The following NUP133 variants were observed in gnomAD, a reference collection of about 807,000 sequenced individuals.
NUP133 encodes nucleoporin 133, also known as nuclear pore complex protein Nup133.
In NUP133, 66 loss-of-function variants were observed where a neutral mutation model predicts 146.2. That is an observed-to-expected ratio of 0.45 (90% CI 0.37 to 0.55). The LOEUF is 0.55. Ranked by LOEUF, NUP133 falls within the 20% of genes least tolerant of loss-of-function variation. The pLI is 0.00. For synonymous variants in NUP133, 521 were observed against 498.8 expected (o/e 1.04, Z -0.59); for missense variants, 1,277 against 1,374.8 (o/e 0.93, Z 1.12).
Position 229,468,108 on chromosome 1 carries a change from C to T in NUP133, c.2077-1352G>A, listed in dbSNP as rs1339040018. 3.3e-5 allele frequency among the ~76,000 whole-genome samples: 5 copies of T among 152,102 alleles called. No homozygotes were observed. In the East Asian group the frequency reaches 9.6e-4, roughly 29 times the overall value. On this transcript the variant is annotated intron_variant, in intron 15 of 25. Transcript: ENST00000261396. ...CAGTGAGCTCTGCTTTTCCAGAGCC[C>T]TGGGAGGTACAAGGCCTTCCCAAAC... is the stretch of plus-strand genomic sequence containing the variant.
intron 25 of NUP133, among the ~76,000 whole-genome samples, chr1:229,443,892 CTCTTT>C (rs1191597286): frequency 3.6e-5 from 5 of 138,496 alleles, no homozygotes; most frequent in East Asian, 2.1e-4. Context: ...CTGTGCTCAA[CTCTTT>C]TTTTTTTTTT....
chr1:229,464,942 T>C (rs768514100), intron 17 of NUP133, 67 bp from the exon 18 acceptor site: 5 of 1,570,676 alleles, frequency 3.2e-6, no homozygotes, highest in African/African-American at 1.4e-5. Context: ...GAAAGACTAA[T>C]AGCATAAAAA....
chr1:229,465,419 C>T lies in NUP133; in HGVS notation c.2299+1G>A, dbSNP rs1305545648. 6.3e-7 allele frequency: 1 copy of T among 1,587,458 alleles called. No individual in the cohort carries two copies. The highest frequency in any genetic ancestry group is 8.6e-7 in the Non-Finnish European group (1 of 1,156,462). Reference sequence around the variant, plus strand: ...CAACTGTTAATAAATCAGTATATTACCCGTCCATGGAACATATTCAGGTTC... The same window carrying T: ...CAACTGTTAATAAATCAGTATATTATCCGTCCATGGAACATATTCAGGTTC... On this transcript the variant is annotated splice_donor_variant, in intron 17 of 25. Coordinates refer to ENST00000261396, the MANE Select transcript of NUP133 (RefSeq NM_018230.3). LOFTEE classifies it high-confidence loss of function.
At chr1:229,478,715 C>T (rs16849836) in intron 12 of NUP133, among the ~76,000 whole-genome samples, 42,889 of 151,990 alleles carry the variant, frequency 0.28, 7,952 homozygotes, top group African/African-American at 0.52. Context: ...CATGAAGAAA[C>T]GAGGGATACT....
chr1:229,502,791 C>T (rs1374518222), intron 2 of NUP133, among the ~76,000 whole-genome samples: 2 of 141,004 alleles, frequency 1.4e-5, no homozygotes, highest in African/African-American at 5.6e-5. Flanking sequence ...GTGAGACTCT[C>T]TCTCTTAAAA....
chr1:229,489,884 T>C, intron 9 of NUP133, 71 bp downstream of exon 9: 2 of 1,362,350 alleles, frequency 1.5e-6, no homozygotes, highest in East Asian at 2.5e-5. Flanking sequence ...AATAAATAAA[T>C]AAGACCCTGA....
chr1:229,501,160 A>T (rs756263462), intron 3 of NUP133, among the ~76,000 whole-genome samples: 2 of 152,226 alleles, frequency 1.3e-5, no homozygotes, highest in African/African-American at 4.8e-5. Context: ...TAAGGTTAAG[A>T]TGAGTGCTTA....
intron 24 of NUP133, among the ~76,000 whole-genome samples, chr1:229,446,658 C>T (rs960337606): frequency 1.3e-5 from 2 of 150,770 alleles, no homozygotes; most frequent in Admixed American, 1.3e-4. Flanking sequence ...GGCATGAACC[C>T]GAGAGGTGGA....
At chr1:229,474,413 A>G (rs1169277418) in intron 14 of NUP133, among the ~76,000 whole-genome samples, 8 of 152,218 alleles carry the variant, frequency 5.3e-5, no homozygotes, top group Non-Finnish European at 8.8e-5. Flanking sequence ...TAAAATAACA[A>G]TAACAAAAAA....
intron 21 of NUP133, among the ~76,000 whole-genome samples, chr1:229,457,440 A>C (rs74144728): frequency 0.011 from 1,735 of 152,018 alleles, 33 homozygotes; most frequent in African/African-American, 0.039. Context: ...AAAAAGCTCA[A>C]CTCCCTTATA....
chr1:229,507,977 G>A (rs1283178001), intron 1 of NUP133, 91 bp downstream of exon 1: 4 of 1,322,808 alleles, frequency 3.0e-6, no homozygotes, highest in African/African-American at 1.5e-5. Flanking sequence ...CGCCGCCCCG[G>A]TTCCAAAGGC....
At chr1:229,487,775 A>G (rs1368968061) in intron 9 of NUP133, among the ~76,000 whole-genome samples, 162 bp from the exon 10 acceptor site, 1 of 152,024 alleles carries the variant, frequency 6.6e-6, no homozygotes, top group African/African-American at 2.4e-5. Context: ...AACATGACAG[A>G]GTAAGTTTAT....
At chr1:229,475,615 T>C (rs1308866455) in intron 14 of NUP133, 23 bp downstream of exon 14, 1 of 1,566,760 alleles carries the variant, frequency 6.4e-7, no homozygotes, top group South Asian at 1.1e-5. Flanking sequence ...CAGAGCCCTG[T>C]GCCCAGCACC....
intron 15 of NUP133, among the ~76,000 whole-genome samples, chr1:229,470,321 C>T (rs1484962051): frequency 6.6e-6 from 1 of 151,308 alleles, no homozygotes; most frequent in African/African-American, 2.4e-5. Flanking sequence ...GCATGCAAAG[C>T]AAATAGGTAC....
In NUP133 at chr1:229,441,803, A is replaced by G. The variant is rs113646920; in HGVS notation, c.*101T>C. 1.1e-6 allele frequency: 1 copy of G among 934,462 alleles called. No homozygotes were observed. The highest frequency in any genetic ancestry group is 1.6e-6 in the Non-Finnish European group (1 of 628,168). 57.9% of individuals were successfully genotyped at this position (934,462 alleles called of 1,614,324 possible). ...ATAAAGTATAAAAACTCAGCTATACATGTTATGAAATTGTACAAACTTACA... is the reference window on the plus strand; with the variant it reads ...ATAAAGTATAAAAACTCAGCTATACGTGTTATGAAATTGTACAAACTTACA... On this transcript the variant is annotated 3_prime_UTR_variant, in exon 26 of 26. Transcript: ENST00000261396.
chr1:229,495,853 T>G (rs1452600918), intron 7 of NUP133, 39 bp downstream of exon 7: 2 of 1,492,370 alleles, frequency 1.3e-6, no homozygotes, highest in African/African-American at 2.8e-5. Flanking sequence ...CATACAACCA[T>G]AAACATGAAT....
intron 12 of NUP133, among the ~76,000 whole-genome samples, chr1:229,482,914 T>G (rs1661253516): frequency 6.6e-6 from 1 of 152,100 alleles, no homozygotes. Flanking sequence ...GGCCCAGAAA[T>G]GTGAGTACGG....
Position 229,460,530 on chromosome 1 carries a change from A to C in NUP133, c.2844+81T>G, listed in dbSNP as rs1424736144. ...TCTCAGGTATATGACAGTAAACAGT[A>C]TTTTAATTACTAAAAACAAAACTAA... On this transcript the variant is annotated intron_variant, in intron 20 of 25. Transcript: ENST00000261396. 3 of 1,383,908 alleles carry C rather than the reference A, an allele frequency of 2.2e-6. No individual in the cohort carries two copies. The African/African-American group carries it at 4.4e-5, about 20-fold the overall frequency. The allele number at this position is 1,383,908 out of a possible 1,614,324, so 85.7% of individuals were successfully genotyped here.
intron 24 of NUP133, among the ~76,000 whole-genome samples, chr1:229,445,937 G>C (rs142578656): frequency 4.9e-4 from 75 of 152,280 alleles, no homozygotes; most frequent in African/African-American, 1.7e-3. Context: ...CAGGAAAAAG[G>C]AAAATTGTGA....
Sources: allele counts gnomAD v4.1 joint callset (sites outside exome capture counted in the v4.1 genomes callset), GRCh38; gene constraint gnomAD v4.1.1; transcripts MANE v1.5; gene names NCBI Gene and HGNC (gene_info 2026-07-23, HGNC 2026-07-21).